The following MAML2 variants were observed in gnomAD, a reference collection of about 807,000 sequenced individuals.
The protein encoded by MAML2 is mastermind like transcriptional coactivator 2, also known as mastermind-like protein 2.
MAML2 carries 22 observed loss-of-function variants against 96.1 expected under a neutral mutation model. The observed-to-expected ratio is 0.23, with a 90% CI of 0.16 to 0.33. The LOEUF is 0.33. MAML2 is among the 10% of genes least tolerant of loss of function. MAML2 has a pLI of 1.00. For missense variants in MAML2, 1,367 were observed against 1,392.4 expected, an observed-to-expected ratio of 0.98 and a Z score of 0.29; for synonymous variants, 561 against 521.3, an observed-to-expected ratio of 1.08 and a Z score of -1.04.
chr11:96,321,986 A>T (rs1863709230), intron 1 of MAML2, among the ~76,000 whole-genome samples: 2 of 152,222 alleles, frequency 1.3e-5, no homozygotes, highest in South Asian at 4.2e-4. Context: ...TCCTTATAGC[A>T]ACTTTTCAAC....
At chr11:96,121,165 T>A (rs1291475939) in intron 1 of MAML2, among the ~76,000 whole-genome samples, 3 of 152,180 alleles carry the variant, frequency 2.0e-5, no homozygotes, top group Non-Finnish European at 4.4e-5. Flanking sequence ...CTAGATCCCC[T>A]ACTCCGCACC....
chr11:96,213,862 A>C (rs577900584), intron 1 of MAML2, among the ~76,000 whole-genome samples: 3 of 152,226 alleles, frequency 2.0e-5, no homozygotes, highest in Admixed American at 2.0e-4. Context: ...CCTCCCTTAA[A>C]AGTGGTCGGT....
At chr11:96,323,681 C>T (rs1311372354) in intron 1 of MAML2, among the ~76,000 whole-genome samples, 1 of 152,224 alleles carries the variant, frequency 6.6e-6, no homozygotes, top group African/African-American at 2.4e-5. Context: ...CATCCGGAAT[C>T]TCTATGGATT....
At chr11:96,191,488 A>C (rs1434779535) in intron 1 of MAML2, among the ~76,000 whole-genome samples, 1 of 132,864 alleles carries the variant, frequency 7.5e-6, no homozygotes, top group Non-Finnish European at 1.7e-5. Flanking sequence ...TAATAAAAAA[A>C]AAAAGGGCCG....
intron 2 of MAML2, among the ~76,000 whole-genome samples, chr11:96,009,853 G>T (rs1858240510): frequency 6.6e-6 from 1 of 152,074 alleles, no homozygotes; most frequent in Non-Finnish European, 1.5e-5. Context: ...ATTGCCCAAG[G>T]ACATCTGTTC....
chr11:96,317,859 A>C (rs900191714), intron 1 of MAML2, among the ~76,000 whole-genome samples: 5 of 152,230 alleles, frequency 3.3e-5, no homozygotes, highest in Admixed American at 6.5e-5. Flanking sequence ...CATATTCAAC[A>C]GGAACAGCCT....
chr11:96,121,804 T>TTTTTTTTTTTTTTTTTTTA (rs1565221362), intron 1 of MAML2, among the ~76,000 whole-genome samples: 1 of 137,252 alleles, frequency 7.3e-6, no homozygotes, highest in African/African-American at 2.7e-5. Context: ...TTTTTTTTTT[T>TTTTTTTTTTTTTTTTTTTA]GAGACGGAGT....
intron 1 of MAML2, among the ~76,000 whole-genome samples, chr11:96,219,621 C>T (rs746750337): frequency 3.3e-5 from 5 of 151,968 alleles, no homozygotes; most frequent in Non-Finnish European, 5.9e-5. Context: ...TTCTGAGTCT[C>T]AGTTCATTAT....
intron 1 of MAML2, among the ~76,000 whole-genome samples, chr11:96,115,473 A>AT (rs34562985): frequency 0.57 from 84,302 of 147,944 alleles, 23,689 homozygotes; most frequent in African/African-American, 0.63. Flanking sequence ...CACCTGGCGG[A>AT]TTTTTTTTTT....
chr11:96,175,159 A>G (rs2135904577), intron 1 of MAML2, among the ~76,000 whole-genome samples: 1 of 152,354 alleles, frequency 6.6e-6, no homozygotes, highest in South Asian at 2.1e-4. Flanking sequence ...GGAGTCTTGC[A>G]TGCAACTTCA....
At chr11:96,231,679 A>G (rs541956975) in intron 1 of MAML2, among the ~76,000 whole-genome samples, 3 of 152,328 alleles carry the variant, frequency 2.0e-5, no homozygotes, top group African/African-American at 7.2e-5. Context: ...TTGGTCACTC[A>G]TGGGAACAAT....
At chr11:96,138,565 C>G (rs1860675838) in intron 1 of MAML2, among the ~76,000 whole-genome samples, 1 of 152,238 alleles carries the variant, frequency 6.6e-6, no homozygotes, top group African/African-American at 2.4e-5. Flanking sequence ...TTATTGCACT[C>G]TTCCTGTTTT....
At chr11:96,194,384 T>C (rs1360359502) in intron 1 of MAML2, among the ~76,000 whole-genome samples, 1 of 152,174 alleles carries the variant, frequency 6.6e-6, no homozygotes, top group South Asian at 2.1e-4. Flanking sequence ...TCCAGATAAT[T>C]TGGAAAAGGA....
intron 1 of MAML2, among the ~76,000 whole-genome samples, chr11:96,140,002 C>T (rs1230075181): frequency 6.6e-6 from 1 of 152,208 alleles, no homozygotes. Context: ...TTATTGAAAA[C>T]CATCAGAACG....
In MAML2 at chr11:96,333,044, T is replaced by G. The variant is rs1338149448; in HGVS notation, c.513+8339A>C. The stretch of plus-strand genomic sequence containing the variant: ...GTAATTAACTTTCTACTGAAATCTA[T>G]GAGAGCTACCTGAAAAGAACTCTGT... On this transcript the variant is annotated intron_variant, in intron 1 of 4. Coordinates refer to ENST00000524717, the MANE Select transcript of MAML2 (RefSeq NM_032427.4). Among the ~76,000 whole-genome samples the G allele has an allele frequency of 2.0e-5, 3 of 152,232 alleles. No homozygotes were observed. The East Asian group carries it at 5.8e-4, about 29-fold the overall frequency.
chr11:96,185,777 C>T lies in MAML2; in HGVS notation c.514-92260G>A, dbSNP rs545847375. Among the ~76,000 whole-genome samples, 68 of 152,312 alleles carry T rather than the reference C, an allele frequency of 4.5e-4. 1 individual carries two copies. In the South Asian group the frequency reaches 0.014, roughly 31 times the overall value. ...GGGCTTTAGAACCTTGTGTATGCAT[C>T]ACCTCTTTTGGGCCCTCCAGTCTTC... On this transcript the variant is annotated intron_variant, in intron 1 of 4. Transcript: ENST00000524717.
At chr11:96,210,060 G>A (rs1263508259) in intron 1 of MAML2, among the ~76,000 whole-genome samples, 1 of 152,040 alleles carries the variant, frequency 6.6e-6, no homozygotes, top group Non-Finnish European at 1.5e-5. Context: ...CTTTTCTTTT[G>A]TTCTCAATAA....
At chr11:96,139,562 T>G (rs1480274874) in intron 1 of MAML2, among the ~76,000 whole-genome samples, 1 of 151,356 alleles carries the variant, frequency 6.6e-6, no homozygotes, top group Non-Finnish European at 1.5e-5. Context: ...TTTGATATAT[T>G]TAAGAGAGAA....
At position 96,055,563 on chromosome 11, in the gene MAML2, G is replaced by A. The variant is rs1402461164; in HGVS notation, c.2139+36329C>T. Among the ~76,000 whole-genome samples, 6 of 152,144 alleles carry A rather than the reference G, an allele frequency of 3.9e-5. No individual in the cohort carries two copies. In the South Asian group the frequency reaches 6.2e-4, roughly 16 times the overall value. ...TGGGTGTGATTGAATGACTTCTAAC[G>A]TTTAATGACACCTTTGCTCCAGTGC... On this transcript the variant is annotated intron_variant, in intron 2 of 4. Transcript: ENST00000524717.
Sources: allele counts gnomAD v4.1 joint callset (sites outside exome capture counted in the v4.1 genomes callset), GRCh38; gene constraint gnomAD v4.1.1; transcripts MANE v1.5; gene names NCBI Gene and HGNC (gene_info 2026-07-23, HGNC 2026-07-21).